Variants in FARS2 observed in about 807,000 individuals in gnomAD.
FARS2 encodes the protein phenylalanine--tRNA ligase, mitochondrial.
FARS2 carries 40 observed loss-of-function variants against 46.4 expected under a neutral mutation model. The observed-to-expected ratio is 0.86, with a 90% CI of 0.67 to 1.12. The LOEUF (loss-of-function observed/expected upper bound fraction) is 1.12, where lower values mean the gene tolerates loss of function less well. Among genes scored for constraint, FARS2 ranks in the 50% most tolerant of loss-of-function variants. FARS2 has a pLI of 0.00. For missense variants in FARS2, 513 were observed against 567.9 expected, an observed-to-expected ratio of 0.90 and a Z score of 0.98; for synonymous variants, 234 against 214.9, an observed-to-expected ratio of 1.09 and a Z score of -0.78.
chr6:5,378,168 A>G (rs1379142917), intron 2 of FARS2, among the ~76,000 whole-genome samples: 2 of 152,146 alleles, frequency 1.3e-5, no homozygotes, highest in African/African-American at 2.4e-5. Flanking sequence ...CCCTTTAAAC[A>G]TAATCATGCT....
intron 1 of FARS2, among the ~76,000 whole-genome samples, chr6:5,279,659 A>G (rs944837173): frequency 1.3e-5 from 2 of 151,814 alleles, no homozygotes; most frequent in African/African-American, 4.8e-5. Flanking sequence ...AGCACATGGC[A>G]TAAGTTTCAG....
At chr6:5,518,484 G>A (rs1342455660) in intron 4 of FARS2, among the ~76,000 whole-genome samples, 1 of 152,224 alleles carries the variant, frequency 6.6e-6, no homozygotes, top group Non-Finnish European at 1.5e-5. Flanking sequence ...AAGTGATCAG[G>A]TGGTGGCTAA....
At chr6:5,318,387 CA>C (rs753113504) in intron 1 of FARS2, among the ~76,000 whole-genome samples, 9,668 of 77,182 alleles carry the variant, frequency 0.13, 411 homozygotes, top group East Asian at 0.42. Flanking sequence ...AAAAAAAAAC[CA>C]AAAAAAAAAA....
rs577913939 is a variant in FARS2, at chr6:5,298,008, A to G, written c.-22+36348A>G. Among the ~76,000 whole-genome samples, 3 of 152,390 alleles carry G rather than the reference A, an allele frequency of 2.0e-5. No individual in the cohort carries two copies. In the East Asian group the frequency reaches 5.8e-4, roughly 29 times the overall value. On this transcript the variant is annotated intron_variant, in intron 1 of 6. Coordinates refer to ENST00000274680, the MANE Select transcript of FARS2 (RefSeq NM_006567.5). ...GTTAGGGGAAGCCCGGAGGGCATCG[A>G]TGGTAAACACTGAGGACTTTGAACA...
intron 3 of FARS2, among the ~76,000 whole-genome samples, chr6:5,411,490 A>C (rs961244263): frequency 6.6e-6 from 1 of 152,150 alleles, no homozygotes; most frequent in Non-Finnish European, 1.5e-5. Context: ...CTCTTTCTAT[A>C]ATTAGTGATG....
At chr6:5,402,084 T>C (rs1355711469) in intron 2 of FARS2, among the ~76,000 whole-genome samples, 1 of 152,036 alleles carries the variant, frequency 6.6e-6, no homozygotes, top group African/African-American at 2.4e-5. Context: ...TTCTTTCTGA[T>C]TCTTCTTTCT....
At chr6:5,628,091 T>C (rs572393341) in intron 6 of FARS2, among the ~76,000 whole-genome samples, 31 of 152,350 alleles carry the variant, frequency 2.0e-4, no homozygotes, top group Middle Eastern at 3.4e-3. Flanking sequence ...ACTCTTTAGC[T>C]TCCAGGAGCA....
chr6:5,641,560 G>C (rs1776821830), intron 6 of FARS2, among the ~76,000 whole-genome samples: 1 of 152,214 alleles, frequency 6.6e-6, no homozygotes, highest in Non-Finnish European at 1.5e-5. Context: ...CCTTCACAAA[G>C]TGCTAGGATT....
intron 1 of FARS2, among the ~76,000 whole-genome samples, chr6:5,328,756 G>C (rs1268822961): frequency 6.6e-6 from 1 of 152,044 alleles, no homozygotes; most frequent in Non-Finnish European, 1.5e-5. Context: ...AGAAGGCCTT[G>C]TAAGTAAGAG....
chr6:5,668,280 AG>A (rs1778246440), intron 6 of FARS2, among the ~76,000 whole-genome samples: 1 of 152,242 alleles, frequency 6.6e-6, no homozygotes, highest in Admixed American at 6.5e-5. Flanking sequence ...GTATCTTATA[AG>A]CAGCCACATG....
At chr6:5,647,240 C>T (rs964358656) in intron 6 of FARS2, among the ~76,000 whole-genome samples, 7 of 152,166 alleles carry the variant, frequency 4.6e-5, no homozygotes, top group African/African-American at 7.2e-5. Flanking sequence ...TCCACCTTCC[C>T]GCCTCTCTTC....
At chr6:5,553,874 T>C (rs1771507147) in intron 5 of FARS2, among the ~76,000 whole-genome samples, 1 of 152,182 alleles carries the variant, frequency 6.6e-6, no homozygotes, top group East Asian at 1.9e-4. Context: ...AAAGTAATGA[T>C]GGTTAAAATT....
chr6:5,585,401 C>A (rs1210765164), intron 5 of FARS2, among the ~76,000 whole-genome samples: 5 of 152,130 alleles, frequency 3.3e-5, no homozygotes, highest in African/African-American at 7.2e-5. Context: ...AGTAACCATA[C>A]TGTGTATTAG....
At chr6:5,646,885 G>C (rs114601469) in intron 6 of FARS2, among the ~76,000 whole-genome samples, 1 of 152,006 alleles carries the variant, frequency 6.6e-6, no homozygotes, top group Admixed American at 6.6e-5. Flanking sequence ...TGAATCCATG[G>C]ATATGGAACC....
At chr6:5,510,367 G>C (rs1000758819) in intron 4 of FARS2, among the ~76,000 whole-genome samples, 24 of 152,152 alleles carry the variant, frequency 1.6e-4, no homozygotes, top group Non-Finnish European at 4.4e-5. Flanking sequence ...TGCCATCCTG[G>C]CCTGCCTCCT....
rs1562036542 is a variant in FARS2, at chr6:5,432,348, ATAT to A, written c.904+1180_904+1182del. On this transcript the variant is annotated intron_variant, in intron 4 of 6. Coordinates refer to ENST00000274680, the MANE Select transcript of FARS2 (RefSeq NM_006567.5). The stretch of plus-strand genomic sequence containing the variant: ...AAAAAATATATATATATATATATAT[ATAT>A]TATATATATATAATATATTATATAT... 9.1e-3 allele frequency among the ~76,000 whole-genome samples: 302 copies of A among 33,040 alleles called. 4 individuals are homozygous for A. Among genetic ancestry groups the A allele is most frequent in the African/African-American group, 0.03 (291 of 9,828 alleles). 21.7% of individuals were successfully genotyped at this position (33,040 alleles called of 152,430 possible). A position where few individuals can be genotyped will look rare whatever the true frequency, so the allele number is the denominator to read the frequency against.
intron 4 of FARS2, among the ~76,000 whole-genome samples, chr6:5,515,275 C>T (rs552090134): frequency 6.6e-6 from 1 of 152,140 alleles, no homozygotes; most frequent in South Asian, 2.1e-4. Flanking sequence ...AAACTCTTGC[C>T]AATAGGAATT....
chr6:5,727,762 C>G lies in FARS2; in HGVS notation c.1218-43529C>G, dbSNP rs1760358482. ...TGCATTTTCTTCCAATGCACTCTGA[C>G]AGCTCAAAACACTTCCTCGAGCTTC... On this transcript the variant is annotated intron_variant, in intron 6 of 6. Transcript: ENST00000274680. This position sits in a 1 kb window ranked among gnomAD's most constrained non-coding sequence, Gnocchi z 4.1. 6.6e-6 allele frequency among the ~76,000 whole-genome samples: 1 copy of G among 152,216 alleles called. No homozygotes were observed.
At chr6:5,719,860 TG>T (rs1410984722) in intron 6 of FARS2, among the ~76,000 whole-genome samples, 1 of 152,240 alleles carries the variant, frequency 6.6e-6, no homozygotes, top group African/African-American at 2.4e-5. Context: ...GCATAGTGTT[TG>T]CTTAAACTTG....
Sources: gnomAD v4.1 joint callset for allele counts (sites outside exome capture counted in the v4.1 genomes callset) on GRCh38, gnomAD v4.1.1 for gene constraint, Gnocchi (gnomAD v3.1) non-coding constraint, MANE v1.5 for transcripts, NCBI Gene and HGNC (gene_info 2026-07-23, HGNC 2026-07-21) for gene names.